The following RALYL variants were observed in gnomAD, a reference collection of about 807,000 sequenced individuals.
The protein encoded by RALYL is RALY RNA binding protein like, also known as RNA-binding Raly-like protein.
In RALYL, 29 loss-of-function variants were observed where a neutral mutation model predicts 35.1. That is an observed-to-expected ratio of 0.83 (90% CI 0.61 to 1.13). RALYL has a LOEUF of 1.13. Ranked by LOEUF, RALYL falls within the 50% of genes most tolerant of loss-of-function variation. The probability of loss-of-function intolerance (pLI) is 0.00; values close to 1 mark genes in which losing one functional copy is unlikely to be tolerated. For synonymous variants in RALYL, 120 were observed against 127.6 expected (o/e 0.94, Z 0.40); for missense variants, 359 against 360.4 (o/e 1.00, Z 0.03).
intron 2 of RALYL, among the ~76,000 whole-genome samples, chr8:84,665,213 G>T (rs1831755912): frequency 6.6e-6 from 1 of 151,970 alleles, no homozygotes; most frequent in Non-Finnish European, 1.5e-5. Context: ...GCTGGATTTG[G>T]TTTGCCAGTA....
intron 2 of RALYL, among the ~76,000 whole-genome samples, chr8:84,685,889 A>G (rs767106840): frequency 2.6e-4 from 40 of 152,144 alleles, no homozygotes; most frequent in Admixed American, 7.2e-4. Context: ...CTTGTGAATT[A>G]TTAGGAAGTA....
At chr8:84,671,436 C>T (rs1833216335) in intron 2 of RALYL, among the ~76,000 whole-genome samples, 1 of 152,194 alleles carries the variant, frequency 6.6e-6, no homozygotes, top group Non-Finnish European at 1.5e-5. Flanking sequence ...GCTCTAACCC[C>T]ACATTTGCCT....
chr8:84,482,402 G>T (rs1237847007), intron 1 of RALYL, among the ~76,000 whole-genome samples: 1 of 152,046 alleles, frequency 6.6e-6, no homozygotes, highest in South Asian at 2.1e-4. Flanking sequence ...ATATTTTTGT[G>T]TGTTCATTTA....
At chr8:84,241,048 T>TTA (rs937772216) in intron 1 of RALYL, among the ~76,000 whole-genome samples, 1 of 152,062 alleles carries the variant, frequency 6.6e-6, no homozygotes, top group East Asian at 1.9e-4. Context: ...ATATATATAC[T>TTA]TATATATATT....
intron 1 of RALYL, among the ~76,000 whole-genome samples, chr8:84,237,722 CT>C (rs1563586265): frequency 6.6e-6 from 1 of 152,016 alleles, no homozygotes; most frequent in Non-Finnish European, 1.5e-5. Flanking sequence ...AAAAGTAAGT[CT>C]TTTTTAATCT....
chr8:84,722,357 T>C (rs1337773932), intron 2 of RALYL, among the ~76,000 whole-genome samples: 4 of 151,940 alleles, frequency 2.6e-5, no homozygotes, highest in African/African-American at 9.7e-5. Context: ...GTATGGTTGA[T>C]AAATTCATAT....
intron 3 of RALYL, among the ~76,000 whole-genome samples, chr8:84,802,435 G>T (rs1480016498): frequency 1.3e-5 from 2 of 152,142 alleles, no homozygotes; most frequent in Non-Finnish European, 2.9e-5. Context: ...GTCTTCTCTT[G>T]AGCATTTGGA....
At chr8:84,404,738 A>G (rs2043283687) in intron 1 of RALYL, among the ~76,000 whole-genome samples, 1 of 152,114 alleles carries the variant, frequency 6.6e-6, no homozygotes, top group African/African-American at 2.4e-5. Flanking sequence ...AAATTTTTAA[A>G]AGTAATGGTA....
intron 8 of RALYL, among the ~76,000 whole-genome samples, chr8:84,896,372 A>G (rs1172307324): frequency 6.6e-6 from 1 of 152,180 alleles, no homozygotes; most frequent in East Asian, 1.9e-4. Context: ...TGAGCTAATG[A>G]CTGAATATTT....
At chr8:84,718,540 G>A (rs1843309861) in intron 2 of RALYL, among the ~76,000 whole-genome samples, 1 of 152,084 alleles carries the variant, frequency 6.6e-6, no homozygotes. Flanking sequence ...TAGGTGGGCA[G>A]ATCACCTGAG....
intron 1 of RALYL, among the ~76,000 whole-genome samples, chr8:84,484,982 C>A (rs1341394256): frequency 6.6e-6 from 1 of 152,084 alleles, no homozygotes; most frequent in Non-Finnish European, 1.5e-5. Flanking sequence ...AATCCAGTAT[C>A]TTATTATTCT....
chr8:84,843,993 T>C (rs562779487), intron 4 of RALYL, among the ~76,000 whole-genome samples: 5 of 152,162 alleles, frequency 3.3e-5, no homozygotes, highest in Non-Finnish European at 7.3e-5. Flanking sequence ...ACTTAAATGT[T>C]AAACCTAGAA....
At chr8:84,250,651 C>T (rs1051071505) in intron 1 of RALYL, among the ~76,000 whole-genome samples, 2 of 152,136 alleles carry the variant, frequency 1.3e-5, no homozygotes, top group Non-Finnish European at 2.9e-5. Context: ...AAGCAAATAA[C>T]ACATACATGC....
chr8:84,780,362 T>G (rs969518928), intron 3 of RALYL, among the ~76,000 whole-genome samples: 2 of 152,176 alleles, frequency 1.3e-5, no homozygotes, highest in African/African-American at 2.4e-5. Context: ...ATCCTATCTT[T>G]CCTGTGCAAC....
chr8:84,536,663 A>C (rs558562506), intron 2 of RALYL, among the ~76,000 whole-genome samples: 17 of 152,372 alleles, frequency 1.1e-4, no homozygotes, highest in African/African-American at 4.1e-4. Flanking sequence ...TGCTGCAGGT[A>C]ATAAATAGCA....
intron 1 of RALYL, among the ~76,000 whole-genome samples, chr8:84,515,786 G>C (rs116374393): frequency 0.023 from 3,519 of 152,072 alleles, 135 homozygotes; most frequent in African/African-American, 0.08. Flanking sequence ...TATTTTTCCA[G>C]CCCAAGAGGT....
At chr8:84,360,065 G>T (rs1182870031) in intron 1 of RALYL, among the ~76,000 whole-genome samples, 1 of 151,848 alleles carries the variant, frequency 6.6e-6, no homozygotes, top group Admixed American at 6.6e-5. Context: ...TAAAGATGGG[G>T]TTTTGCCATG....
At chr8:84,786,197 G>A (rs770844515) in intron 3 of RALYL, among the ~76,000 whole-genome samples, 2 of 152,094 alleles carry the variant, frequency 1.3e-5, no homozygotes, top group South Asian at 2.1e-4. Flanking sequence ...CACAGTATAC[G>A]TATACCACAT....
At chr8:84,765,571 C>G (rs1813718256) in intron 2 of RALYL, among the ~76,000 whole-genome samples, 1 of 152,188 alleles carries the variant, frequency 6.6e-6, no homozygotes, top group African/African-American at 2.4e-5. Flanking sequence ...GCTTATTTCA[C>G]AGGGTTGTTC....
Sources: gnomAD v4.1 joint callset for allele counts (sites outside exome capture counted in the v4.1 genomes callset) on GRCh38, gnomAD v4.1.1 for gene constraint, MANE v1.5 for transcripts, NCBI Gene and HGNC (gene_info 2026-07-23, HGNC 2026-07-21) for gene names.